SORBS2: variants seen among roughly 807,000 people sequenced by gnomAD.
SORBS2 encodes sorbin and SH3 domain containing 2.
In SORBS2, 46 loss-of-function variants were observed where a neutral mutation model predicts 97.7. The ratio of observed to expected loss-of-function variants is 0.47; its 90% CI spans 0.37 to 0.60. The LOEUF (loss-of-function observed/expected upper bound fraction) is 0.60, where lower values mean the gene tolerates loss of function less well. SORBS2 is among the 20% of genes least tolerant of loss of function. The pLI is 0.00. For synonymous variants in SORBS2, 476 were observed against 473.4 expected, an observed-to-expected ratio of 1.01 and a Z score of -0.07; for missense variants, 1,316 against 1,282.3, an observed-to-expected ratio of 1.03 and a Z score of -0.40.
At chr4:185,940,598 A>G (rs1299743304) in intron 1 of SORBS2, among the ~76,000 whole-genome samples, 1 of 152,118 alleles carries the variant, frequency 6.6e-6, no homozygotes, top group Non-Finnish European at 1.5e-5. Flanking sequence ...ATAAAATCCA[A>G]ACTGATTGCC....
intron 12 of SORBS2, 145 bp from the exon 25 acceptor site, chr4:185,594,080 T>G: frequency 4.9e-6 from 3 of 612,940 alleles, no homozygotes; most frequent in Non-Finnish European, 8.6e-6. Flanking sequence ...AAATAAAAGC[T>G]TTCTGCAGGA....
At chr4:185,592,187 C>T (rs1319697193) in intron 13 of SORBS2, 1 of 152,568 alleles carries the variant, frequency 6.6e-6, no homozygotes, top group Non-Finnish European at 1.5e-5. Context: ...TTTTCTAGAA[C>T]ATATTTCACT....
intron 4 of SORBS2, among the ~76,000 whole-genome samples, chr4:185,671,153 A>G (rs1204473913): frequency 6.6e-6 from 1 of 152,182 alleles, no homozygotes; most frequent in Non-Finnish European, 1.5e-5. Flanking sequence ...CAGCCTCATA[A>G]TAAAAATTAT....
chr4:185,664,145 C>G (rs565384909), intron 4 of SORBS2, among the ~76,000 whole-genome samples: 5 of 152,060 alleles, frequency 3.3e-5, no homozygotes, highest in Non-Finnish European at 5.9e-5. Flanking sequence ...TGAGCCACCG[C>G]GCCCGGCCTA....
At position 185,606,097 on chromosome 4, in the gene SORBS2, T is replaced by C. The variant is rs2096412084; in HGVS notation, c.2796+5683A>G. Reference sequence around the variant, plus strand: ...TTTGTTTATTATTAGCATTATTATTTTTGCAAAGTGCCGTTATGTCAAAGG... The same window carrying C: ...TTTGTTTATTATTAGCATTATTATTCTTGCAAAGTGCCGTTATGTCAAAGG... On this transcript the variant is annotated intron_variant, in intron 12 of 14. Coordinates refer to ENST00000418609, the Ensembl canonical transcript of SORBS2. The surrounding 1 kb of genome is among the most constrained non-coding windows in gnomAD (Gnocchi z 4.3). 1 of 985,418 alleles carries C rather than the reference T, an allele frequency of 1.0e-6. No homozygotes were observed. The allele number at this position is 985,418 out of a possible 1,614,324, so 61.0% of individuals were successfully genotyped here.
chr4:185,898,508 A>G (rs2099246063), intron 1 of SORBS2, among the ~76,000 whole-genome samples: 1 of 152,210 alleles, frequency 6.6e-6, no homozygotes. Context: ...GAAAATAAAA[A>G]CATCAAGAAT....
intron 1 of SORBS2, among the ~76,000 whole-genome samples, chr4:185,911,523 C>T (rs374392941): frequency 6.6e-6 from 1 of 152,136 alleles, no homozygotes; most frequent in African/African-American, 2.4e-5. Context: ...CCACGCCCAG[C>T]CTGATTTTCT....
chr4:185,745,770 C>T (rs1475814425), intron 2 of SORBS2, among the ~76,000 whole-genome samples: 1 of 152,172 alleles, frequency 6.6e-6, no homozygotes, highest in Non-Finnish European at 1.5e-5. Flanking sequence ...CTACCCCCTC[C>T]CCCGATTTGA....
At chr4:185,950,111 G>A (rs966895686) in intron 1 of SORBS2, among the ~76,000 whole-genome samples, 1 of 152,140 alleles carries the variant, frequency 6.6e-6, no homozygotes, top group Non-Finnish European at 1.5e-5. Flanking sequence ...AATTAGCTGG[G>A]CATGGTGACA....
chr4:185,671,709 G>T (rs185880783), intron 4 of SORBS2, among the ~76,000 whole-genome samples: 2 of 152,352 alleles, frequency 1.3e-5, no homozygotes, highest in East Asian at 3.9e-4. Context: ...AGAGGCGGAA[G>T]AACATTCTGT....
intron 13 of SORBS2, chr4:185,591,813 C>T (rs1317540670): frequency 2.0e-5 from 3 of 152,192 alleles, no homozygotes; most frequent in Non-Finnish European, 2.9e-5. Flanking sequence ...TCAGAGCTAA[C>T]GCAACAAAAT....
intron 1 of SORBS2, among the ~76,000 whole-genome samples, chr4:185,875,546 T>G (rs544667337): frequency 6.6e-6 from 1 of 152,332 alleles, no homozygotes; most frequent in South Asian, 2.1e-4. Flanking sequence ...GACTTTTCAT[T>G]TTACAGTGCT....
At chr4:185,618,445 G>A (rs912296954) in intron 9 of SORBS2, 140 bp downstream of exon 21, 12 of 431,028 alleles carry the variant, frequency 2.8e-5, no homozygotes, top group Non-Finnish European at 5.1e-5. Flanking sequence ...AATTCTGAAG[G>A]AACCATTTAA....
At chr4:185,802,228 G>T (rs993993560) in intron 1 of SORBS2, among the ~76,000 whole-genome samples, 19 of 152,112 alleles carry the variant, frequency 1.2e-4, no homozygotes, top group African/African-American at 4.6e-4. Flanking sequence ...GATTATATCT[G>T]CCTTATAGCA....
At chr4:185,808,455 G>GT (rs1163613533) in intron 1 of SORBS2, among the ~76,000 whole-genome samples, 2 of 152,068 alleles carry the variant, frequency 1.3e-5, no homozygotes, top group African/African-American at 4.8e-5. Flanking sequence ...GATTGTGGCA[G>GT]TTTTTTCATA....
chr4:185,731,860 CTCTCTCTATATATA>C (rs1227400470), intron 2 of SORBS2, among the ~76,000 whole-genome samples: 50 of 34,268 alleles, frequency 1.5e-3, no homozygotes, highest in Non-Finnish European at 2.2e-3. Flanking sequence ...CTCTCTCTCT[CTCTCTCTATATATA>C]TATATATATA....
chr4:185,860,203 T>C (rs951136494), intron 1 of SORBS2, among the ~76,000 whole-genome samples: 1 of 152,200 alleles, frequency 6.6e-6, no homozygotes, highest in African/African-American at 2.4e-5. Context: ...AAGCAACTGT[T>C]GAACCCTATA....
chr4:185,594,601 T>G (rs1170256210), intron 12 of SORBS2, among the ~76,000 whole-genome samples: 1 of 152,238 alleles, frequency 6.6e-6, no homozygotes, highest in African/African-American at 2.4e-5. Context: ...TCCAGTGCAC[T>G]GAACTCTCAA....
chr4:185,924,445 T>G lies in SORBS2; in HGVS notation c.-338+31751A>C, dbSNP rs184715009. 3.3e-5 allele frequency among the ~76,000 whole-genome samples: 5 copies of G among 152,334 alleles called. No individual in the cohort carries two copies. In the East Asian group the frequency reaches 9.6e-4, roughly 29 times the overall value. On this transcript the variant is annotated intron_variant, in intron 1 of 20. Coordinates refer to the SORBS2 transcript ENST00000284776. ...TTAAAGTAGCTCAAGAAACATTTCT[T>G]GCCTAGCAGAAAAGCCCCCACCGGC...
Sources: allele counts gnomAD v4.1 joint callset (sites outside exome capture counted in the v4.1 genomes callset), GRCh38; gene constraint gnomAD v4.1.1; non-coding constraint Gnocchi (gnomAD v3.1); transcripts MANE v1.5; gene names NCBI Gene and HGNC (gene_info 2026-07-23, HGNC 2026-07-21).